Variants in ZPLD1 observed in about 807,000 individuals in gnomAD.
ZPLD1 encodes zona pellucida-like domain-containing protein 1.
Under a neutral mutation model 47.2 loss-of-function variants are expected in ZPLD1, and 34 were observed. The ratio of observed to expected loss-of-function variants is 0.72; its 90% CI spans 0.55 to 0.96. The LOEUF (loss-of-function observed/expected upper bound fraction) is 0.96. Ranked by LOEUF, ZPLD1 falls within the 40% of genes least tolerant of loss-of-function variation. The probability of loss-of-function intolerance (pLI) is 0.00; values close to 1 mark genes in which losing one functional copy is unlikely to be tolerated. For missense variants in ZPLD1, 512 were observed against 505.8 expected (o/e 1.01, Z -0.12); for synonymous variants, 176 against 186.2 (o/e 0.95, Z 0.45).
At position 102,462,360 on chromosome 3, in the gene ZPLD1, CCA is replaced by C; in HGVS notation, c.664_665del (p.Thr222Ter). The C allele has an allele frequency of 6.2e-7, 1 of 1,608,862 alleles. No homozygotes were observed. The highest frequency in any genetic ancestry group is 8.5e-7 in the Non-Finnish European group (1 of 1,177,568). The stretch of plus-strand genomic sequence containing the variant: ...ACCAAAGTATTTGCAGCTGTCCAAG[CCA>C]CTAATTTGGATGGCAGGTAATTTCA... On this transcript the variant is annotated frameshift_variant, in exon 7 of 12. Coordinates refer to ENST00000466937, the MANE Select transcript of ZPLD1 (RefSeq NM_001329788.2). LOFTEE classifies it high-confidence loss of function.
intron 7 of ZPLD1, among the ~76,000 whole-genome samples, chr3:102,401,837 A>C (rs1284998303): frequency 6.6e-6 from 1 of 152,060 alleles, no homozygotes; most frequent in Non-Finnish European, 1.5e-5. Context: ...TTGGCACAAA[A>C]ACTGTAGCAA....
intron 1 of ZPLD1, 56 bp downstream of exon 1, chr3:102,435,210 T>G (rs1379312119): frequency 6.3e-7 from 1 of 1,588,552 alleles, no homozygotes; most frequent in Non-Finnish European, 8.6e-7. Context: ...TGTTTTAACT[T>G]ACAGTTGAAC....
intron 3 of ZPLD1, among the ~76,000 whole-genome samples, chr3:102,444,639 T>C (rs1158043065): frequency 6.6e-6 from 1 of 152,188 alleles, no homozygotes; most frequent in Non-Finnish European, 1.5e-5. Flanking sequence ...ATATAAATTA[T>C]TATTATGGTT....
intron 8 of ZPLD1, among the ~76,000 whole-genome samples, chr3:102,467,734 G>A (rs2107352007): frequency 6.6e-6 from 1 of 151,922 alleles, no homozygotes; most frequent in South Asian, 2.1e-4. Context: ...TAAAACAAGA[G>A]AAATACCTTT....
chr3:102,423,567 C>G lies in ZPLD1; in HGVS notation c.-9+5360C>G, dbSNP rs1298118749. 5.3e-5 allele frequency among the ~76,000 whole-genome samples: 8 copies of G among 151,902 alleles called. 1 individual carries two copies. Among genetic ancestry groups the G allele is most frequent in the Non-Finnish European group, 1.5e-5 (1 of 67,958 alleles). The stretch of plus-strand genomic sequence containing the variant: ...AATGATTTTTAAAAATATTTTTTCT[C>G]CAGTAAATTTACCTTCTAATTTCCA... On this transcript the variant is annotated intron_variant, in intron 8 of 17. Transcript: ENST00000491959.
chr3:102,391,231 T>G (rs1363707286), intron 6 of ZPLD1, among the ~76,000 whole-genome samples: 1 of 152,194 alleles, frequency 6.6e-6, no homozygotes, highest in Non-Finnish European at 1.5e-5. Context: ...AAAGATTCTC[T>G]AAGGCTAAAC....
chr3:102,438,057 T>A (rs1365635170), intron 2 of ZPLD1, among the ~76,000 whole-genome samples: 3 of 152,234 alleles, frequency 2.0e-5, no homozygotes, highest in Non-Finnish European at 4.4e-5. Flanking sequence ...TAGAATCAAG[T>A]ATCCAACATT....
intron 6 of ZPLD1, among the ~76,000 whole-genome samples, chr3:102,390,423 G>T (rs968744763): frequency 1.3e-5 from 2 of 152,144 alleles, no homozygotes; most frequent in East Asian, 1.9e-4. Context: ...GATTTACTGA[G>T]AAATAGGGCA....
chr3:102,435,677 C>CTG (rs1223913527), intron 1 of ZPLD1, among the ~76,000 whole-genome samples: 68 of 134,472 alleles, frequency 5.1e-4, no homozygotes, highest in Non-Finnish European at 9.4e-4. Context: ...GAGTCTTGCT[C>CTG]TGTAGCCCAG....
intron 7 of ZPLD1, among the ~76,000 whole-genome samples, chr3:102,407,442 T>TATATATACACAC (rs1553708474): frequency 1.0e-5 from 1 of 95,518 alleles, no homozygotes; most frequent in African/African-American, 3.9e-5. Flanking sequence ...TATATATATA[T>TATATATACACAC]ACACACATAT....
At chr3:102,445,454 C>T (rs1468660592) in intron 3 of ZPLD1, among the ~76,000 whole-genome samples, 1 of 152,184 alleles carries the variant, frequency 6.6e-6, no homozygotes, top group East Asian at 1.9e-4. Flanking sequence ...GAGGCTTAAA[C>T]TCACCAGGTG....
At chr3:102,456,803 C>T (rs2107340647) in intron 5 of ZPLD1, among the ~76,000 whole-genome samples, 1 of 152,298 alleles carries the variant, frequency 6.6e-6, no homozygotes, top group South Asian at 2.1e-4. Context: ...CCCTCTTGGC[C>T]ATATGCTTTC....
At chr3:102,452,113 CCG>C (rs1491251332) in intron 3 of ZPLD1, among the ~76,000 whole-genome samples, 1 of 94,852 alleles carries the variant, frequency 1.1e-5, no homozygotes, top group Non-Finnish European at 2.0e-5. Context: ...GATATGAAGA[CCG>C]TGTGTGTGTG....
upstream of ZPLD1, among the ~76,000 whole-genome samples, chr3:102,430,525 T>C (rs1360660779): frequency 1.3e-5 from 2 of 152,186 alleles, no homozygotes; most frequent in African/African-American, 4.8e-5. Context: ...GTCCAATGCT[T>C]AGAAACTGCT....
chr3:102,464,781 T>A (rs1480217485), intron 8 of ZPLD1, among the ~76,000 whole-genome samples: 2 of 152,202 alleles, frequency 1.3e-5, no homozygotes, highest in Non-Finnish European at 2.9e-5. Context: ...TAGACAGTGA[T>A]ATAGAGTGAA....
chr3:102,392,697 C>T (rs1317504054), intron 7 of ZPLD1, among the ~76,000 whole-genome samples: 1 of 152,070 alleles, frequency 6.6e-6, no homozygotes, highest in Non-Finnish European at 1.5e-5. Context: ...GGGCAGAGTC[C>T]TCATAATCTA....
Position 102,453,863 on chromosome 3 carries a change from A to T in ZPLD1, c.327+724A>T, listed in dbSNP as rs1038944702. On this transcript the variant is annotated intron_variant, in intron 4 of 11. Transcript: ENST00000466937. ...AAAAATAGAGTTAAATAAGGAATTG[A>T]CTCTCCAGTGAATTAAAATTAATAG... 2.6e-5 allele frequency among the ~76,000 whole-genome samples: 4 copies of T among 152,132 alleles called. No homozygotes were observed. In the South Asian group the frequency reaches 6.2e-4, roughly 24 times the overall value.
chr3:102,469,483 T>C, intron 9 of ZPLD1, among the ~76,000 whole-genome samples: 1 of 152,178 alleles, frequency 6.6e-6, no homozygotes, highest in African/African-American at 2.4e-5. Context: ...GTGAGAGAGA[T>C]GAAGCAGGAG....
At chr3:102,423,199 G>T (rs1706900617) in intron 8 of ZPLD1, among the ~76,000 whole-genome samples, 1 of 152,068 alleles carries the variant, frequency 6.6e-6, no homozygotes, top group Non-Finnish European at 1.5e-5. Context: ...GGCTTAAACT[G>T]CCATGTTGTA....
Sources: gnomAD v4.1 joint callset for allele counts (sites outside exome capture counted in the v4.1 genomes callset) on GRCh38, gnomAD v4.1.1 for gene constraint, MANE v1.5 for transcripts, NCBI Gene and HGNC (gene_info 2026-07-23, HGNC 2026-07-21) for gene names.